The following TBC1D2 variants were observed in gnomAD, a reference collection of about 807,000 sequenced individuals.
TBC1D2 encodes TBC1 domain family member 2A.
A neutral mutation model predicts 91.1 loss-of-function variants in TBC1D2; 58 were observed. The observed-to-expected ratio is 0.64, with a 90% CI of 0.52 to 0.79. The LOEUF (loss-of-function observed/expected upper bound fraction) is 0.79. Among genes scored for constraint, TBC1D2 ranks in the 30% least tolerant of loss-of-function variants. The probability of loss-of-function intolerance (pLI) is 0.00; values close to 1 mark genes in which losing one functional copy is unlikely to be tolerated. For synonymous variants in TBC1D2, 482 were observed against 511.5 expected, an observed-to-expected ratio of 0.94 and a Z score of 0.78; for missense variants, 1,080 against 1,208.3, an observed-to-expected ratio of 0.89 and a Z score of 1.57.
Position 98,228,936 on chromosome 9 carries a change from T to C in TBC1D2, c.978+16A>G, listed in dbSNP as rs751572225. ...GGTCCACTGGAACCTGGGGCCTCCC[T>C]GGGACCAGACCTCACCTTCTGAGAC... On this transcript the variant is annotated intron_variant, in intron 5 of 12. Coordinates refer to ENST00000465784, the MANE Select transcript of TBC1D2 (RefSeq NM_001267571.2). This position sits in a 1 kb window ranked among gnomAD's most constrained non-coding sequence, Gnocchi z 4.0. The C allele has an allele frequency of 1.2e-6, 2 of 1,609,980 alleles. No individual in the cohort carries two copies. Among genetic ancestry groups the C allele is most frequent in the Non-Finnish European group, 8.5e-7 (1 of 1,177,136 alleles).
intron 3 of TBC1D2, among the ~76,000 whole-genome samples, chr9:98,241,515 G>C (rs997862667): frequency 3.3e-5 from 5 of 152,212 alleles, no homozygotes; most frequent in Admixed American, 1.3e-4. Flanking sequence ...TTGCAAAGTA[G>C]CCTGGCATTT....
chr9:98,240,451 T>C (rs1362422482), intron 3 of TBC1D2, among the ~76,000 whole-genome samples: 1 of 152,210 alleles, frequency 6.6e-6, no homozygotes, highest in Non-Finnish European at 1.5e-5. Flanking sequence ...TGTAGTTCCA[T>C]TGAAGAGAAT....
intron 2 of TBC1D2, among the ~76,000 whole-genome samples, chr9:98,246,782 T>C (rs1265982591): frequency 6.6e-6 from 1 of 151,922 alleles, no homozygotes; most frequent in Non-Finnish European, 1.5e-5. Flanking sequence ...ATGCCAAGCA[T>C]ACAGGCAACA....
In TBC1D2 at chr9:98,248,110, C is replaced by A. The variant is rs193075258; in HGVS notation, c.511+3675G>T. Among the ~76,000 whole-genome samples the A allele has an allele frequency of 1.5e-3, 224 of 152,318 alleles. 1 individual carries two copies. The highest frequency in any genetic ancestry group is 5.2e-3 in the African/African-American group (218 of 41,560). On this transcript the variant is annotated intron_variant, in intron 2 of 12. Coordinates refer to ENST00000465784, the MANE Select transcript of TBC1D2 (RefSeq NM_001267571.2). ...CCAAAGTCAAAGCTAGCAGGTGACACCGTTATAGACTCAAACACGTCCCTA... is the reference window on the plus strand; with the variant it reads ...CCAAAGTCAAAGCTAGCAGGTGACAACGTTATAGACTCAAACACGTCCCTA...
In TBC1D2 at chr9:98,213,294, G is replaced by A; in HGVS notation, c.1375-76C>T. On this transcript the variant is annotated intron_variant, in intron 6 of 12. Transcript: ENST00000465784. The stretch of plus-strand genomic sequence containing the variant: ...GTCCTGGGGAGTCACACCCTCAAAT[G>A]AGCCCCCAAAGCTTCTTTTCCTTAG... 6 of 1,583,962 alleles carry A rather than the reference G, an allele frequency of 3.8e-6. No homozygotes were observed. In the South Asian group the frequency reaches 5.7e-5, roughly 15 times the overall value.
chr9:98,211,318 A>C (rs1244842773), intron 7 of TBC1D2, among the ~76,000 whole-genome samples: 1 of 152,100 alleles, frequency 6.6e-6, no homozygotes, highest in Non-Finnish European at 1.5e-5. Flanking sequence ...GGTATGACTG[A>C]ACAGCGCCCA....
intron 6 of TBC1D2, among the ~76,000 whole-genome samples, chr9:98,214,326 C>A: frequency 4.8e-5 from 2 of 41,508 alleles, no homozygotes; most frequent in Admixed American, 3.1e-4. Context: ...AGGATGACTC[C>A]GACGTGGCCA....
At chr9:98,222,620 A>T (rs1470909188) in intron 5 of TBC1D2, among the ~76,000 whole-genome samples, 3 of 152,234 alleles carry the variant, frequency 2.0e-5, no homozygotes, top group Non-Finnish European at 4.4e-5. Flanking sequence ...CAAAGCAGGG[A>T]TGTGAATTTG....
intron 2 of TBC1D2, among the ~76,000 whole-genome samples, chr9:98,250,289 G>A (rs1829845273): frequency 1.3e-5 from 2 of 151,580 alleles, no homozygotes; most frequent in African/African-American, 4.9e-5. Flanking sequence ...AGCCCTGAGT[G>A]CAGGAGTGAG....
At chr9:98,247,733 A>AG (rs1282568534) in intron 2 of TBC1D2, among the ~76,000 whole-genome samples, 69 of 108,586 alleles carry the variant, frequency 6.4e-4, no homozygotes, top group African/African-American at 2.2e-3. Flanking sequence ...CGTCTCAAAA[A>AG]AAAAAAAAAA....
chr9:98,253,678 ATTTCT>A (rs1829915428), intron 1 of TBC1D2, among the ~76,000 whole-genome samples: 1 of 151,118 alleles, frequency 6.6e-6, no homozygotes, highest in South Asian at 2.1e-4. Flanking sequence ...CTTGCCACCT[ATTTCT>A]TCTTTCAAGC....
intron 3 of TBC1D2, among the ~76,000 whole-genome samples, chr9:98,241,176 A>C (rs192031268): frequency 6.6e-6 from 1 of 152,350 alleles, no homozygotes; most frequent in East Asian, 1.9e-4. Context: ...CATTGGACAG[A>C]GAGAACTGAG....
chr9:98,224,405 C>G (rs1417776544), intron 5 of TBC1D2, among the ~76,000 whole-genome samples: 1 of 151,230 alleles, frequency 6.6e-6, no homozygotes, highest in African/African-American at 2.4e-5. Flanking sequence ...GCCTCAGTCT[C>G]CCTTGTAGCT....
chr9:98,200,288 G>C lies in TBC1D2; in HGVS notation c.2544C>G (p.Tyr848Ter). 6.2e-7 allele frequency: 1 copy of C among 1,613,844 alleles called. No individual in the cohort carries two copies. The highest frequency in any genetic ancestry group is 2.2e-5 in the East Asian group (1 of 44,854). ...AGATGGTCTTGGTGAAGAAGCGCAGGTACTGGTAGATTTCCAGGCCATTCT... is the reference window on the plus strand; with the variant it reads ...AGATGGTCTTGGTGAAGAAGCGCAGCTACTGGTAGATTTCCAGGCCATTCT... The part of the protein sequence containing the change: ...RLQNGLEIYQ[Y>*]LRFFTKTISN... Residue 848 changes from tyrosine (Y) to a stop codon, truncating the protein, a stop_gained, in exon 12 of 13, where the codon TAC (tyrosine) becomes TAG (stop). Transcript: ENST00000465784. LOFTEE classifies it low-confidence loss of function (END_TRUNC).
At chr9:98,206,058 G>A (rs1272005982) in intron 9 of TBC1D2, among the ~76,000 whole-genome samples, 1 of 152,062 alleles carries the variant, frequency 6.6e-6, no homozygotes, top group Non-Finnish European at 1.5e-5. Flanking sequence ...GTGCGATCTC[G>A]GCTCACTGCA....
chr9:98,234,248 G>T (rs562032218), intron 3 of TBC1D2, among the ~76,000 whole-genome samples: 1 of 152,218 alleles, frequency 6.6e-6, no homozygotes, highest in East Asian at 1.9e-4. Flanking sequence ...ATGTTTGCTG[G>T]TGCCCAACAC....
In TBC1D2 at chr9:98,211,658, C is replaced by T. The variant is rs189761980; in HGVS notation, c.1486-815G>A. Among the ~76,000 whole-genome samples the T allele has an allele frequency of 1.5e-4, 23 of 152,216 alleles. 1 individual carries two copies. The Middle Eastern group carries it at 0.017, about 113-fold the overall frequency. On this transcript the variant is annotated intron_variant, in intron 7 of 12. Transcript: ENST00000465784. ...GGAACAATTCTGTTGCACCCTTGCC[C>T]GGTCGCCATCTCCAAACACTTGCCG... is the stretch of plus-strand genomic sequence containing the variant.
intron 3 of TBC1D2, among the ~76,000 whole-genome samples, chr9:98,237,616 C>T (rs1054097968): frequency 1.3e-5 from 2 of 151,392 alleles, no homozygotes; most frequent in South Asian, 4.2e-4. Context: ...AAGCGATTCT[C>T]CTGCCTCAGC....
At chr9:98,223,633 A>G (rs897892050) in intron 5 of TBC1D2, among the ~76,000 whole-genome samples, 18 of 126,614 alleles carry the variant, frequency 1.4e-4, no homozygotes, top group African/African-American at 3.6e-4. Context: ...CTTTCCCTCA[A>G]TTTGGGGAGT....
Sources: gnomAD v4.1 joint callset for allele counts (sites outside exome capture counted in the v4.1 genomes callset) on GRCh38, gnomAD v4.1.1 for gene constraint, Gnocchi (gnomAD v3.1) non-coding constraint, MANE v1.5 for transcripts, NCBI Gene and HGNC (gene_info 2026-07-23, HGNC 2026-07-21) for gene names.